Variants in PHACTR1 observed in about 807,000 individuals in gnomAD.
PHACTR1 encodes the protein RPEL repeat containing 1.
PHACTR1 carries 16 observed loss-of-function variants against 69.2 expected under a neutral mutation model. The ratio of observed to expected loss-of-function variants is 0.23; its 90% CI spans 0.16 to 0.35. The LOEUF is 0.35. PHACTR1 is among the 10% of genes least tolerant of loss of function. The pLI, the probability that PHACTR1 is intolerant of heterozygous loss-of-function variation, is 1.00. For missense variants in PHACTR1, 510 were observed against 734.7 expected, an observed-to-expected ratio of 0.69 and a Z score of 3.54; for synonymous variants, 312 against 284.5, an observed-to-expected ratio of 1.10 and a Z score of -0.97.
chr6:12,829,427 T>C (rs553027683), intron 4 of PHACTR1, among the ~76,000 whole-genome samples: 1 of 152,224 alleles, frequency 6.6e-6, no homozygotes, highest in Non-Finnish European at 1.5e-5. Context: ...ACAAAGGAGT[T>C]TTGTGCTTGA....
chr6:13,055,936 T>C (rs1375180862), intron 5 of PHACTR1, among the ~76,000 whole-genome samples: 1 of 152,258 alleles, frequency 6.6e-6, no homozygotes, highest in Non-Finnish European at 1.5e-5. Flanking sequence ...CAAGTTCTTG[T>C]GACCTCTGTG....
intron 4 of PHACTR1, chr6:12,957,844 C>G: frequency 1.0e-6 from 1 of 985,458 alleles, no homozygotes; most frequent in Non-Finnish European, 1.2e-6. Flanking sequence ...GGAATTGGCA[C>G]GGCCGGGAAG....
At chr6:13,083,271 T>C (rs1453929277) in intron 5 of PHACTR1, among the ~76,000 whole-genome samples, 9 of 151,988 alleles carry the variant, frequency 5.9e-5, no homozygotes, top group Non-Finnish European at 8.8e-5. Context: ...GCGGCATTAT[T>C]TCTGAGGGCT....
Position 13,031,627 on chromosome 6 carries a change from G to C in PHACTR1, c.251-21738G>C, listed in dbSNP as rs575510008. ...GGGATGACTTTTTAGGTGCATGAGG[G>C]GGGTATTGTTCTACCTGTCTAGCAG... On this transcript the variant is annotated intron_variant, in intron 4 of 14. Transcript: ENST00000332995. Among the ~76,000 whole-genome samples the C allele has an allele frequency of 1.5e-4, 23 of 152,268 alleles. No individual in the cohort carries two copies. In the East Asian group the frequency reaches 3.9e-3, roughly 26 times the overall value.
chr6:12,840,320 T>C (rs550215708), intron 4 of PHACTR1, among the ~76,000 whole-genome samples: 2 of 152,340 alleles, frequency 1.3e-5, no homozygotes, highest in African/African-American at 4.8e-5. Flanking sequence ...CATCTAAAAA[T>C]GCAAAGCAAC....
chr6:13,008,534 C>A (rs1486787356), intron 4 of PHACTR1, among the ~76,000 whole-genome samples: 1 of 152,174 alleles, frequency 6.6e-6, no homozygotes, highest in Admixed American at 6.5e-5. Flanking sequence ...AGCCTGGAAG[C>A]TATATCTCCT....
chr6:13,258,124 G>A (rs1222164663), intron 10 of PHACTR1, among the ~76,000 whole-genome samples: 1 of 152,124 alleles, frequency 6.6e-6, no homozygotes, highest in Non-Finnish European at 1.5e-5. Flanking sequence ...TTGGAAGCCC[G>A]AGGTGGATGG....
chr6:12,776,925 A>G (rs1474307186), intron 4 of PHACTR1, among the ~76,000 whole-genome samples: 1 of 152,188 alleles, frequency 6.6e-6, no homozygotes, highest in East Asian at 1.9e-4. Context: ...ACCACCTTTA[A>G]TACAATCCTT....
intron 4 of PHACTR1, among the ~76,000 whole-genome samples, chr6:12,805,593 C>CTCTT (rs888503949): frequency 4.0e-5 from 6 of 149,984 alleles, no homozygotes; most frequent in African/African-American, 1.5e-4. Context: ...CTCTCTGTCT[C>CTCTT]TCTTTCTTTC....
At chr6:13,014,048 C>T (rs1273400875) in intron 4 of PHACTR1, among the ~76,000 whole-genome samples, 1 of 152,164 alleles carries the variant, frequency 6.6e-6, no homozygotes, top group Admixed American at 6.5e-5. Context: ...CCAACAACAA[C>T]AACAACGTGT....
At position 13,003,963 on chromosome 6, in the gene PHACTR1, A is replaced by G. The variant is rs535914567; in HGVS notation, c.251-49402A>G. On this transcript the variant is annotated intron_variant, in intron 4 of 14. Transcript: ENST00000332995. Reference sequence around the variant, plus strand: ...CTCAGTAGTATTCCTATATATATATATGTATATATATATATACACATATAT... The same window carrying G: ...CTCAGTAGTATTCCTATATATATATGTGTATATATATATATACACATATAT... Among the ~76,000 whole-genome samples the G allele has an allele frequency of 2.3e-3, 206 of 90,252 alleles. 17 individuals carry two copies. The South Asian group carries it at 0.028, about 12-fold the overall frequency. 59.2% of individuals were successfully genotyped at this position (90,252 alleles called of 152,430 possible). A position where few individuals can be genotyped will look rare whatever the true frequency, so the allele number is the denominator to read the frequency against.
chr6:13,209,143 A>G (rs1189668511), intron 8 of PHACTR1, among the ~76,000 whole-genome samples: 1 of 152,136 alleles, frequency 6.6e-6, no homozygotes, highest in Non-Finnish European at 1.5e-5. Flanking sequence ...CAAAGATTGG[A>G]GAGATTTTTC....
At chr6:13,060,695 G>A (rs1807545153) in intron 5 of PHACTR1, among the ~76,000 whole-genome samples, 1 of 152,168 alleles carries the variant, frequency 6.6e-6, no homozygotes. Context: ...TAATAAGCGA[G>A]GTTATCTCCT....
intron 4 of PHACTR1, among the ~76,000 whole-genome samples, chr6:12,909,100 C>T (rs1377012000): frequency 6.6e-6 from 1 of 152,074 alleles, no homozygotes; most frequent in Non-Finnish European, 1.5e-5. Flanking sequence ...CTCCAGGACT[C>T]CTCAGTACTT....
intron 4 of PHACTR1, among the ~76,000 whole-genome samples, chr6:12,838,029 G>A (rs1436473901): frequency 6.6e-6 from 1 of 152,226 alleles, no homozygotes; most frequent in Non-Finnish European, 1.5e-5. Context: ...CCTTGCAGTT[G>A]TAGGACTGAG....
At chr6:12,739,271 T>G (rs921601705) in intron 3 of PHACTR1, among the ~76,000 whole-genome samples, 1 of 152,260 alleles carries the variant, frequency 6.6e-6, no homozygotes, top group South Asian at 2.1e-4. Context: ...GACCTGAATC[T>G]TTAAAAGATC....
At chr6:12,828,884 A>C (rs2127723279) in intron 4 of PHACTR1, among the ~76,000 whole-genome samples, 1 of 152,268 alleles carries the variant, frequency 6.6e-6, no homozygotes, top group Non-Finnish European at 1.5e-5. Context: ...AGGAGGAATA[A>C]GTTTTAGGGT....
chr6:13,284,565 T>TATAG (rs1554187839), intron 13 of PHACTR1, among the ~76,000 whole-genome samples: 3 of 111,708 alleles, frequency 2.7e-5, no homozygotes, highest in East Asian at 5.1e-4. Context: ...TATATATATA[T>TATAG]ATATAGATAC....
intron 3 of PHACTR1, among the ~76,000 whole-genome samples, chr6:12,720,047 C>A (rs1338727674): frequency 2.0e-5 from 3 of 152,196 alleles, no homozygotes; most frequent in African/African-American, 7.2e-5. Flanking sequence ...CTGTTCCCAG[C>A]CACTTAAAGA....
Sources: allele counts gnomAD v4.1 joint callset (sites outside exome capture counted in the v4.1 genomes callset), GRCh38; gene constraint gnomAD v4.1.1; transcripts MANE v1.5; gene names NCBI Gene and HGNC (gene_info 2026-07-23, HGNC 2026-07-21).